The following STAM2 variants were observed in gnomAD, a reference collection of about 807,000 sequenced individuals.
STAM2 encodes the protein signal transducing adapter molecule 2.
STAM2 carries 51 observed loss-of-function variants against 65.6 expected under a neutral mutation model. The ratio of observed to expected loss-of-function variants is 0.78; its 90% CI spans 0.62 to 0.98. The LOEUF is 0.98. Among genes scored for constraint, STAM2 ranks in the 50% least tolerant of loss-of-function variants. STAM2 has a pLI of 0.00. For synonymous variants in STAM2, 198 were observed against 208.4 expected (o/e 0.95, Z 0.43); for missense variants, 584 against 617.8 (o/e 0.95, Z 0.58).
At chr2:152,152,155 C>G (rs1366875554) in intron 1 of STAM2, among the ~76,000 whole-genome samples, 2 of 152,112 alleles carry the variant, frequency 1.3e-5, no homozygotes, top group East Asian at 3.9e-4. Flanking sequence ...TGCCCAGGTT[C>G]GTCTCAAACT....
chr2:152,156,446 A>G (rs12693270), intron 1 of STAM2, among the ~76,000 whole-genome samples: 35,515 of 152,124 alleles, frequency 0.23, 4,230 homozygotes, highest in Admixed American at 0.31. Flanking sequence ...ACTTTGCCCA[A>G]TGTTGGGGCC....
At chr2:152,142,147 A>T (rs762989516) in intron 7 of STAM2, among the ~76,000 whole-genome samples, 18 of 152,162 alleles carry the variant, frequency 1.2e-4, no homozygotes, top group Non-Finnish European at 2.2e-4. Context: ...GCAACTATAA[A>T]AGTAGGGTGT....
At chr2:152,175,372 G>A (rs1428220027) in intron 1 of STAM2, among the ~76,000 whole-genome samples, 1 of 152,162 alleles carries the variant, frequency 6.6e-6, no homozygotes, top group African/African-American at 2.4e-5. Flanking sequence ...AAGGAGAACG[G>A]CCCTTTGAGG....
intron 1 of STAM2, among the ~76,000 whole-genome samples, chr2:152,169,688 A>C (rs1211428252): frequency 2.6e-5 from 4 of 152,236 alleles, no homozygotes; most frequent in Non-Finnish European, 5.9e-5. Flanking sequence ...TGAAGTAGAA[A>C]TAGAAAATGA....
intron 1 of STAM2, among the ~76,000 whole-genome samples, chr2:152,171,277 T>G (rs1176321375): frequency 6.6e-6 from 1 of 152,142 alleles, no homozygotes; most frequent in Non-Finnish European, 1.5e-5. Context: ...TTGACATAAT[T>G]GCCTGGCAGG....
intron 6 of STAM2, 65 bp from the exon 7 acceptor site, chr2:152,144,078 C>A: frequency 5.0e-6 from 6 of 1,189,338 alleles, no homozygotes; most frequent in Non-Finnish European, 5.6e-6. Context: ...CATTAGATGA[C>A]AATGTAAAAT....
intron 5 of STAM2, among the ~76,000 whole-genome samples, chr2:152,145,175 A>G (rs1240564855): frequency 6.6e-6 from 1 of 152,134 alleles, no homozygotes; most frequent in East Asian, 1.9e-4. Context: ...GGCTCAAGTG[A>G]TCCTCTTGCC....
chr2:152,148,276 T>C lies in STAM2; in HGVS notation c.150A>G (p.Ile50Met). The C allele has an allele frequency of 1.2e-6, 2 of 1,611,456 alleles. No individual in the cohort carries two copies. The highest frequency in any genetic ancestry group is 1.1e-5 in the South Asian group (1 of 90,298). ...PNGAKDCLKA[I>M]MKRVNHKVPH... ...GAACCTTATGATTTACCCTTTTCAT[T>C]ATGGCTTTTAGGCAATCTTTCGCTC... The change falls in exon 3 of 14, where the codon ATA becomes ATG. Residue 50 changes from isoleucine to methionine, a missense_variant. Ile to Met is a conservative substitution (Grantham distance 10). Transcript: ENST00000263904.
At chr2:152,125,315 G>A (rs1228415571) in intron 12 of STAM2, among the ~76,000 whole-genome samples, 5 of 152,150 alleles carry the variant, frequency 3.3e-5, no homozygotes, top group African/African-American at 1.2e-4. Flanking sequence ...TGTCTGACGT[G>A]ACAGTTACCA....
intron 1 of STAM2, among the ~76,000 whole-genome samples, chr2:152,174,296 T>C (rs1157154343): frequency 6.6e-6 from 1 of 152,210 alleles, no homozygotes; most frequent in African/African-American, 2.4e-5. Flanking sequence ...AATAGCAATT[T>C]TTTAAAAGTA....
At chr2:152,141,606 T>C (rs1689249844) in intron 7 of STAM2, among the ~76,000 whole-genome samples, 1 of 151,808 alleles carries the variant, frequency 6.6e-6, no homozygotes, top group Admixed American at 6.6e-5. Flanking sequence ...TGTTTGTTTT[T>C]TTGAGACAGA....
chr2:152,135,261 T>A (rs1689133674), intron 8 of STAM2, among the ~76,000 whole-genome samples: 1 of 152,242 alleles, frequency 6.6e-6, no homozygotes, highest in Non-Finnish European at 1.5e-5. Context: ...CAAATGATTT[T>A]ATGCCTGACA....
At chr2:152,130,561 T>C (rs1471498269) in intron 11 of STAM2, among the ~76,000 whole-genome samples, 1 of 151,622 alleles carries the variant, frequency 6.6e-6, no homozygotes, top group Non-Finnish European at 1.5e-5. Context: ...GCTCCTATTT[T>C]TAAAGGACAA....
chr2:152,142,548 T>TA lies in STAM2; in HGVS notation c.704+1278dup, dbSNP rs1217994607. 2.6e-5 allele frequency among the ~76,000 whole-genome samples: 4 copies of TA among 152,288 alleles called. No individual in the cohort carries two copies. In the East Asian group the frequency reaches 7.7e-4, roughly 29 times the overall value. ...GTGTCAAACTCATGATGGCATGACTTACGATGGTGCAAAAGTGATACACAC... is the reference window on the plus strand; with the variant it reads ...GTGTCAAACTCATGATGGCATGACTTAACGATGGTGCAAAAGTGATACACAC... On this transcript the variant is annotated intron_variant, in intron 7 of 13. Coordinates refer to ENST00000263904, the MANE Select transcript of STAM2 (RefSeq NM_005843.6).
At chr2:152,154,572 C>G (rs138104612) in intron 1 of STAM2, among the ~76,000 whole-genome samples, 8 of 152,236 alleles carry the variant, frequency 5.3e-5, no homozygotes, top group African/African-American at 1.2e-4. Flanking sequence ...GAGACAAGAT[C>G]GCACCACTGC....
intron 7 of STAM2, 119 bp from the exon 8 acceptor site, chr2:152,135,722 TGA>T (rs1689141399): frequency 3.0e-6 from 2 of 655,926 alleles, no homozygotes; most frequent in East Asian, 2.8e-5. Flanking sequence ...CAGCTATAAT[TGA>T]GTCATTTTTC....
chr2:152,119,875 A>G lies in STAM2; in HGVS notation c.*699T>C. 6.6e-6 allele frequency: 1 copy of G among 152,412 alleles called. No homozygotes were observed. The highest frequency in any genetic ancestry group is 1.9e-4 in the East Asian group (1 of 5,192). 9.4% of individuals were successfully genotyped at this position (152,412 alleles called of 1,614,324 possible). ...ACAAGGTCTTCACTGTTAATCACAG[A>G]AAACATTTTTGTTCCTTCCAGATTG... On this transcript the variant is annotated 3_prime_UTR_variant, in exon 14 of 14. Coordinates refer to ENST00000263904, the MANE Select transcript of STAM2 (RefSeq NM_005843.6).
intron 4 of STAM2, among the ~76,000 whole-genome samples, chr2:152,147,677 T>A (rs992998375): frequency 6.6e-6 from 1 of 152,152 alleles, no homozygotes; most frequent in African/African-American, 2.4e-5. Context: ...TAAGTCTCAG[T>A]TTTTGCATTT....
intron 11 of STAM2, 52 bp from the exon 12 acceptor site, chr2:152,126,431 T>TA (rs1348604947): frequency 8.9e-7 from 1 of 1,119,252 alleles, no homozygotes; most frequent in African/African-American, 1.6e-5. Flanking sequence ...AGCATGTATT[T>TA]AGTAATATAA....
Sources: allele counts gnomAD v4.1 joint callset (sites outside exome capture counted in the v4.1 genomes callset), GRCh38; gene constraint gnomAD v4.1.1; transcripts MANE v1.5; gene names NCBI Gene and HGNC (gene_info 2026-07-23, HGNC 2026-07-21).